The following ROBO2 variants were observed in gnomAD, a reference collection of about 807,000 sequenced individuals.
ROBO2 encodes the protein roundabout guidance receptor 2.
ROBO2 carries 53 observed loss-of-function variants against 160.8 expected under a neutral mutation model. That is an observed-to-expected ratio of 0.33 (90% CI 0.26 to 0.41). ROBO2 has a LOEUF of 0.41. Among genes scored for constraint, ROBO2 ranks in the 10% least tolerant of loss-of-function variants. ROBO2 has a pLI of 1.00. For missense variants in ROBO2, 1,577 were observed against 1,722.4 expected, an observed-to-expected ratio of 0.92 and a Z score of 1.49; for synonymous variants, 664 against 611.7, an observed-to-expected ratio of 1.09 and a Z score of -1.26.
rs374934705 is a variant in ROBO2, at chr3:77,574,598, G to A, written c.2071G>A (p.Val691Ile). ...TTCGTGGCAGAATTTAGATGCCAAA[G>A]TCCCGACTGAACGAAGTGCTGTCTT... Residue 691 changes from valine (V) to isoleucine (I), a missense_variant, in exon 14 of 26, where the codon GTC becomes ATC. Coordinates refer to ENST00000461745, the Ensembl canonical transcript of ROBO2. 19 of 1,613,294 alleles carry A rather than the reference G, an allele frequency of 1.2e-5. No homozygotes were observed. The African/African-American group carries it at 2.4e-4, about 20-fold the overall frequency.
intron 2 of ROBO2, among the ~76,000 whole-genome samples, chr3:76,733,206 G>GA (rs1420876880): frequency 2.0e-5 from 3 of 151,978 alleles, no homozygotes; most frequent in African/African-American, 7.2e-5. Flanking sequence ...TGCCCAGAAG[G>GA]AAAAAAATAG....
At chr3:76,634,775 T>A (rs535132211) in intron 2 of ROBO2, among the ~76,000 whole-genome samples, 1 of 152,268 alleles carries the variant, frequency 6.6e-6, no homozygotes, top group Admixed American at 6.5e-5. Flanking sequence ...AGCACCAGAC[T>A]GATACCAGTA....
intron 2 of ROBO2, among the ~76,000 whole-genome samples, chr3:76,504,638 C>G (rs2080690432): frequency 6.8e-6 from 1 of 147,280 alleles, no homozygotes; most frequent in Non-Finnish European, 1.5e-5. Context: ...ACGCCATTCT[C>G]CTGCCTCAGC....
chr3:77,631,537 T>C (rs1475177587), intron 23 of ROBO2: 2 of 152,154 alleles, frequency 1.3e-5, no homozygotes, highest in Non-Finnish European at 2.9e-5. Context: ...CATGAATTAA[T>C]GGTATACCAA....
At chr3:77,540,224 A>G (rs1293785714) in intron 6 of ROBO2, among the ~76,000 whole-genome samples, 1 of 152,232 alleles carries the variant, frequency 6.6e-6, no homozygotes, top group Non-Finnish European at 1.5e-5. Context: ...ATGCTACCCT[A>G]ATAATAAAAA....
At chr3:76,691,480 A>T (rs2092800608) in intron 2 of ROBO2, among the ~76,000 whole-genome samples, 1 of 152,208 alleles carries the variant, frequency 6.6e-6, no homozygotes, top group Admixed American at 6.6e-5. Flanking sequence ...GAAGCTAAAA[A>T]AAAATTAAAT....
intron 2 of ROBO2, among the ~76,000 whole-genome samples, chr3:76,489,078 C>A: frequency 1.1e-5 from 1 of 94,252 alleles, no homozygotes; most frequent in Non-Finnish European, 2.0e-5. Context: ...GAGTGAGACT[C>A]TGTCTCAAAA....
chr3:76,290,252 C>A (rs1708738605), intron 2 of ROBO2, among the ~76,000 whole-genome samples: 1 of 151,982 alleles, frequency 6.6e-6, no homozygotes, highest in African/African-American at 2.4e-5. Context: ...GATGTTTTAC[C>A]TCCCTGAATA....
At chr3:77,048,075 A>G (rs948422298) in intron 1 of ROBO2, among the ~76,000 whole-genome samples, 1 of 152,186 alleles carries the variant, frequency 6.6e-6, no homozygotes, top group Non-Finnish European at 1.5e-5. Context: ...GATGCCATGA[A>G]CAGTGTACTT....
At chr3:77,109,372 C>T (rs2073271717) in intron 2 of ROBO2, among the ~76,000 whole-genome samples, 1 of 121,616 alleles carries the variant, frequency 8.2e-6, no homozygotes, top group Non-Finnish European at 1.8e-5. Flanking sequence ...TTATGTTGTG[C>T]ATTTTTTTTG....
chr3:76,674,477 C>T (rs950448007), intron 2 of ROBO2, among the ~76,000 whole-genome samples: 1 of 151,986 alleles, frequency 6.6e-6, no homozygotes, highest in Admixed American at 6.6e-5. Context: ...GGGAACCCAG[C>T]TGGACCCTGA....
chr3:77,375,739 T>G (rs1348653034), intron 2 of ROBO2, among the ~76,000 whole-genome samples: 1 of 152,166 alleles, frequency 6.6e-6, no homozygotes, highest in Admixed American at 6.5e-5. Flanking sequence ...CATTGATGTG[T>G]GAGATATCCC....
intron 2 of ROBO2, among the ~76,000 whole-genome samples, chr3:77,217,984 A>G (rs2085206596): frequency 6.6e-6 from 1 of 152,218 alleles, no homozygotes; most frequent in South Asian, 2.1e-4. Flanking sequence ...GTTTGGATAC[A>G]TTGTCAGCTC....
At chr3:77,126,782 C>CTTTTTTTTTTT (rs11365042) in intron 2 of ROBO2, among the ~76,000 whole-genome samples, 1 of 62,634 alleles carries the variant, frequency 1.6e-5, no homozygotes. Context: ...TTTGAAACTT[C>CTTTTTTTTTTT]TTTTTTTTTT....
chr3:76,054,679 A>G (rs1264489322), intron 2 of ROBO2, among the ~76,000 whole-genome samples: 1 of 152,234 alleles, frequency 6.6e-6, no homozygotes, highest in Non-Finnish European at 1.5e-5. Flanking sequence ...ATTCAAATTA[A>G]GTCCTATGTG....
intron 2 of ROBO2, among the ~76,000 whole-genome samples, chr3:76,174,069 G>A (rs553505193): frequency 1.3e-5 from 2 of 152,124 alleles, no homozygotes; most frequent in Admixed American, 6.5e-5. Flanking sequence ...CTGGCATGAC[G>A]TGGTATCTCA....
chr3:76,537,157 G>C (rs534143249), intron 2 of ROBO2, among the ~76,000 whole-genome samples: 40 of 152,156 alleles, frequency 2.6e-4, no homozygotes, highest in African/African-American at 9.6e-4. Context: ...TTGGGGTAGA[G>C]ACTGAAGAAA....
chr3:77,295,186 A>G (rs1223198034), intron 2 of ROBO2, among the ~76,000 whole-genome samples: 1 of 150,074 alleles, frequency 6.7e-6, no homozygotes, highest in Non-Finnish European at 1.5e-5. Flanking sequence ...AGATCACTAA[A>G]GACATAAAGT....
chr3:76,556,859 C>A (rs2083825536), intron 2 of ROBO2, among the ~76,000 whole-genome samples: 1 of 151,996 alleles, frequency 6.6e-6, no homozygotes, highest in South Asian at 2.1e-4. Flanking sequence ...CCTAACCAAC[C>A]CAACATACCT....
Sources: allele counts gnomAD v4.1 joint callset (sites outside exome capture counted in the v4.1 genomes callset), GRCh38; gene constraint gnomAD v4.1.1; transcripts MANE v1.5; gene names NCBI Gene and HGNC (gene_info 2026-07-23, HGNC 2026-07-21).